Variants in LYRM4 observed in about 807,000 individuals in gnomAD.
LYRM4 encodes LYR motif containing 4.
LYRM4 carries 9 observed loss-of-function variants against 11.7 expected under a neutral mutation model. The observed-to-expected ratio is 0.77, with a 90% CI of 0.46 to 1.34. LYRM4 has a LOEUF of 1.34. LYRM4 is among the 40% of genes most tolerant of loss of function. LYRM4 has a pLI of 0.00. For synonymous variants in LYRM4, 42 were observed against 40.4 expected (o/e 1.04, Z -0.15); for missense variants, 133 against 112.5 (o/e 1.18, Z -0.82).
At position 5,117,607 on chromosome 6, in the gene LYRM4, C is replaced by A. The variant is rs144539429; in HGVS notation, c.208-8116G>T. Among the ~76,000 whole-genome samples, 192 of 152,036 alleles carry A rather than the reference C, an allele frequency of 1.3e-3. 1 individual carries two copies. The highest frequency in any genetic ancestry group is 4.4e-3 in the African/African-American group (184 of 41,460). ...ACTTAGCTTAAAGGGGCTTTTGTAGCCAGAATATTTCTTGGAAGTCTCGTA... is the reference window on the plus strand; with the variant it reads ...ACTTAGCTTAAAGGGGCTTTTGTAGACAGAATATTTCTTGGAAGTCTCGTA... On this transcript the variant is annotated intron_variant, in intron 2 of 2. Coordinates refer to ENST00000330636, the MANE Select transcript of LYRM4 (RefSeq NM_020408.6).
At chr6:5,064,629 CTT>C in the LYRM4 span, among the ~76,000 whole-genome samples, 1 of 152,128 alleles carries the variant, frequency 6.6e-6, no homozygotes, top group Non-Finnish European at 1.5e-5. Flanking sequence ...GTCTTGAACT[CTT>C]GGCCTCAAGG....
chr6:5,098,587 C>T, the LYRM4 span, among the ~76,000 whole-genome samples: 6 of 152,204 alleles, frequency 3.9e-5, no homozygotes, highest in South Asian at 2.1e-4. Context: ...CCAGGAGACA[C>T]GCACAAGAAT....
intron 1 of LYRM4, among the ~76,000 whole-genome samples, chr6:5,244,123 C>T (rs1373278814): frequency 1.3e-5 from 2 of 152,234 alleles, no homozygotes; most frequent in African/African-American, 2.4e-5. Flanking sequence ...TCTGTACAAA[C>T]CATACTTCGA....
At chr6:5,068,144 G>T in the LYRM4 span, among the ~76,000 whole-genome samples, 1 of 152,204 alleles carries the variant, frequency 6.6e-6, no homozygotes, top group Non-Finnish European at 1.5e-5. This position sits in a 1 kb window ranked among gnomAD's most constrained non-coding sequence, Gnocchi z 4.0. Flanking sequence ...TGACCAGGGT[G>T]GTTGGGCTTC....
intron 1 of LYRM4, among the ~76,000 whole-genome samples, chr6:5,230,260 T>G (rs1482132138): frequency 6.6e-6 from 1 of 152,258 alleles, no homozygotes; most frequent in Non-Finnish European, 1.5e-5. Context: ...ATGCTTCATT[T>G]GTGGAGTCCT....
Position 5,108,486 on chromosome 6 carries a change from A to C in LYRM4, c.*937T>G. On this transcript the variant is annotated 3_prime_UTR_variant, in exon 3 of 3. Coordinates refer to ENST00000330636, the MANE Select transcript of LYRM4 (RefSeq NM_020408.6). ...AAAGAGCAGGGGTCCCCAGTTGGTTAAACATTGAAAACAGTGGGAGAGCTT... is the reference window on the plus strand; with the variant it reads ...AAAGAGCAGGGGTCCCCAGTTGGTTCAACATTGAAAACAGTGGGAGAGCTT... 1 of 881,904 alleles carries C rather than the reference A, an allele frequency of 1.1e-6. No homozygotes were observed. Among genetic ancestry groups the C allele is most frequent in the Non-Finnish European group, 1.4e-6 (1 of 735,254 alleles). The allele number at this position is 881,904 out of a possible 1,614,324, so 54.6% of individuals were successfully genotyped here.
At chr6:5,213,925 C>A (rs1762115761) in intron 2 of LYRM4, among the ~76,000 whole-genome samples, 1 of 152,246 alleles carries the variant, frequency 6.6e-6, no homozygotes, top group Non-Finnish European at 1.5e-5. Context: ...CACTACAACG[C>A]ATGAAGTAGG....
At chr6:5,233,801 A>T (rs1763379533) in intron 1 of LYRM4, among the ~76,000 whole-genome samples, 1 of 152,254 alleles carries the variant, frequency 6.6e-6, no homozygotes, top group African/African-American at 2.4e-5. Context: ...GAGCTGTGTG[A>T]GTTCCATTAG....
intron 2 of LYRM4, among the ~76,000 whole-genome samples, chr6:5,199,878 CAAGGTGCTAT>C (rs1761287065): frequency 6.6e-6 from 1 of 152,196 alleles, no homozygotes; most frequent in Non-Finnish European, 1.5e-5. Context: ...TTGCTGCCCC[CAAGGTGCTAT>C]AAGAGAGTTG....
chr6:5,101,411 C>T (rs1762494647), downstream of LYRM4, among the ~76,000 whole-genome samples: 1 of 152,202 alleles, frequency 6.6e-6, no homozygotes, highest in Non-Finnish European at 1.5e-5. Flanking sequence ...GTGTATTAAA[C>T]CTCGTGAAAG....
rs116891648 is a variant in LYRM4 at position 5,145,096 on chromosome 6, G to A, written c.208-35605C>T. ...AATTCCACAGAAAGCAGAGAACAAC[G>A]GGCACATCCCTGTGGAAAACACCAA... On this transcript the variant is annotated intron_variant, in intron 2 of 2. Transcript: ENST00000330636. 1.4e-4 allele frequency among the ~76,000 whole-genome samples: 22 copies of A among 152,282 alleles called. No individual in the cohort carries two copies. In the East Asian group the frequency reaches 3.9e-3, roughly 27 times the overall value.
chr6:5,085,574 C>G, the LYRM4 span: 167 of 1,543,940 alleles, frequency 1.1e-4, no homozygotes, highest in Non-Finnish European at 2.8e-5. Flanking sequence ...CTGCCCGCCC[C>G]GGTGGTCCCC....
At chr6:5,058,179 G>A in the LYRM4 span, among the ~76,000 whole-genome samples, 104 of 152,208 alleles carry the variant, frequency 6.8e-4, no homozygotes, top group Non-Finnish European at 1.2e-3. Context: ...GAGTCTACAC[G>A]GGGCTCTCTG....
At position 5,108,609 on chromosome 6, in the gene LYRM4, A is replaced by C; in HGVS notation, c.*814T>G. ...GAGATGTCTTTTTAAAAAGCTCTCC[A>C]ACTCTCCAGGTGCTTCTGTCCACCA... On this transcript the variant is annotated 3_prime_UTR_variant, in exon 3 of 3. Coordinates refer to ENST00000330636, the MANE Select transcript of LYRM4 (RefSeq NM_020408.6). The C allele has an allele frequency of 2.8e-6, 1 of 355,090 alleles. No individual in the cohort carries two copies. Among genetic ancestry groups the C allele is most frequent in the Non-Finnish European group, 3.9e-6 (1 of 253,448 alleles). The allele number at this position is 355,090 out of a possible 1,614,324, so 22.0% of individuals were successfully genotyped here.
At chr6:5,081,862 G>C in the LYRM4 span, among the ~76,000 whole-genome samples, 389 of 152,242 alleles carry the variant, frequency 2.6e-3, 1 homozygote, top group South Asian at 0.017. Flanking sequence ...CAAGTGATTA[G>C]AGGACTGGAA....
At chr6:5,179,121 CAA>C (rs1388046174) in intron 2 of LYRM4, among the ~76,000 whole-genome samples, 1 of 146,388 alleles carries the variant, frequency 6.8e-6, no homozygotes, top group East Asian at 2.0e-4. Context: ...CTCAATAACT[CAA>C]AGTCAGGGCT....
chr6:5,252,184 T>A (rs942689992), intron 1 of LYRM4, among the ~76,000 whole-genome samples: 5 of 152,152 alleles, frequency 3.3e-5, no homozygotes, highest in Non-Finnish European at 7.4e-5. Context: ...CTTCTCCAGG[T>A]TGATGTTTCT....
chr6:5,072,024 T>A, the LYRM4 span, among the ~76,000 whole-genome samples: 1 of 152,138 alleles, frequency 6.6e-6, no homozygotes, highest in Non-Finnish European at 1.5e-5. Context: ...TTCCCCACCA[T>A]GTGCCCATGT....
intron 2 of LYRM4, among the ~76,000 whole-genome samples, chr6:5,213,599 T>C (rs1762098294): frequency 6.6e-6 from 1 of 152,062 alleles, no homozygotes; most frequent in African/African-American, 2.4e-5. Context: ...ATGAAGAGTA[T>C]CACAACTCCA....
Sources: gnomAD v4.1 joint callset for allele counts (sites outside exome capture counted in the v4.1 genomes callset) on GRCh38, gnomAD v4.1.1 for gene constraint, Gnocchi (gnomAD v3.1) non-coding constraint, MANE v1.5 for transcripts, NCBI Gene and HGNC (gene_info 2026-07-23, HGNC 2026-07-21) for gene names.